Variants in CADM2 observed in about 807,000 individuals in gnomAD.
CADM2 encodes the protein cell adhesion molecule 2, also known as immunoglobulin superfamily member 4D.
In CADM2, 12 loss-of-function variants were observed where a neutral mutation model predicts 49.8. That is an observed-to-expected ratio of 0.24 (90% confidence interval 0.15 to 0.39). CADM2 has a LOEUF of 0.39. CADM2 is among the 10% of genes least tolerant of loss of function. The pLI is 1.00. For synonymous variants in CADM2, 214 were observed against 175.4 expected (o/e 1.22, Z -1.74); for missense variants, 378 against 492.3 (o/e 0.77, Z 2.20).
intron 1 of CADM2, among the ~76,000 whole-genome samples, chr3:85,147,174 C>G (rs1283459255): frequency 6.9e-6 from 1 of 145,832 alleles, no homozygotes; most frequent in Non-Finnish European, 1.5e-5. Flanking sequence ...ACTCAGGAGG[C>G]TGAGGCAGGA....
intron 1 of CADM2, among the ~76,000 whole-genome samples, chr3:85,639,816 T>A (rs1053412455): frequency 1.3e-5 from 2 of 152,014 alleles, no homozygotes; most frequent in Admixed American, 6.6e-5. Flanking sequence ...AAAAGGACCA[T>A]AGTATCTTCA....
chr3:85,021,349 A>T (rs1381152649), intron 1 of CADM2, among the ~76,000 whole-genome samples: 1 of 152,112 alleles, frequency 6.6e-6, no homozygotes, highest in Non-Finnish European at 1.5e-5. Context: ...AGTGTAGGTG[A>T]TTTGTCAGGC....
intron 1 of CADM2, among the ~76,000 whole-genome samples, chr3:85,718,914 T>TATC (rs1299504108): frequency 3.2e-5 from 4 of 124,360 alleles, no homozygotes; most frequent in East Asian, 2.3e-4. Flanking sequence ...TTATTATTAT[T>TATC]ATTATTATTA....
intron 1 of CADM2, among the ~76,000 whole-genome samples, chr3:85,578,236 C>G (rs369473738): frequency 6.6e-6 from 1 of 152,172 alleles, no homozygotes. Flanking sequence ...TTGTCAGATG[C>G]ACTAATGATT....
At chr3:85,896,068 A>T (rs1715175895) in intron 5 of CADM2, among the ~76,000 whole-genome samples, 1 of 152,152 alleles carries the variant, frequency 6.6e-6, no homozygotes, top group African/African-American at 2.4e-5. Context: ...AGGCAGGAGG[A>T]TCAATTGAAC....
At chr3:85,873,807 T>C (rs1219802104) in intron 3 of CADM2, among the ~76,000 whole-genome samples, 1 of 152,172 alleles carries the variant, frequency 6.6e-6, no homozygotes, top group East Asian at 1.9e-4. Flanking sequence ...TTAGAAACAA[T>C]ATTCATTATA....
chr3:85,106,550 C>G (rs1693974724), intron 1 of CADM2, among the ~76,000 whole-genome samples: 1 of 152,004 alleles, frequency 6.6e-6, no homozygotes, highest in South Asian at 2.1e-4. Flanking sequence ...TGAGAGGTAC[C>G]ATGGTATGCT....
chr3:85,908,613 A>G (rs962622736), intron 5 of CADM2, among the ~76,000 whole-genome samples: 1 of 152,226 alleles, frequency 6.6e-6, no homozygotes, highest in African/African-American at 2.4e-5. Flanking sequence ...ATAGAATGAG[A>G]AACTGCATGC....
intron 1 of CADM2, among the ~76,000 whole-genome samples, chr3:85,707,112 A>C (rs1462972389): frequency 6.6e-6 from 1 of 152,084 alleles, no homozygotes; most frequent in Non-Finnish European, 1.5e-5. Context: ...GACTACAGGC[A>C]TGAGCCACCA....
chr3:86,061,216 A>C (rs986754176), intron 8 of CADM2, among the ~76,000 whole-genome samples: 1 of 152,078 alleles, frequency 6.6e-6, no homozygotes, highest in Non-Finnish European at 1.5e-5. Context: ...TGTATTTATA[A>C]GTTTATAAAT....
At chr3:85,979,225 A>G in intron 8 of CADM2, 2 of 1,610,916 alleles carry the variant, frequency 1.2e-6, no homozygotes. Context: ...CAACAGTCAC[A>G]ACCACTGTAG....
rs189815780 is a variant in CADM2 at position 85,317,352 on chromosome 3, T to G, written c.61+357684T>G. On this transcript the variant is annotated intron_variant, in intron 1 of 9. Transcript: ENST00000383699. ...TTTGTGAAGAAATGCCATGACCCTA[T>G]TTGAGTGAAACTCTTATGGGAGAAA... 2.0e-3 allele frequency among the ~76,000 whole-genome samples: 301 copies of G among 152,252 alleles called. 1 individual carries two copies. The highest frequency in any genetic ancestry group is 3.0e-3 in the Non-Finnish European group (201 of 68,004).
At chr3:85,083,134 T>A (rs2037233972) in intron 1 of CADM2, among the ~76,000 whole-genome samples, 1 of 152,160 alleles carries the variant, frequency 6.6e-6, no homozygotes, top group Non-Finnish European at 1.5e-5. Context: ...TTATATTATA[T>A]ACATGTGTTA....
chr3:85,303,413 A>G (rs1369676510), intron 1 of CADM2, among the ~76,000 whole-genome samples: 2 of 151,904 alleles, frequency 1.3e-5, no homozygotes, highest in Admixed American at 1.3e-4. Context: ...AAGTACAGCA[A>G]CTGTCTGATA....
intron 3 of CADM2, among the ~76,000 whole-genome samples, chr3:85,835,732 A>G (rs1367120916): frequency 6.9e-6 from 1 of 144,298 alleles, no homozygotes; most frequent in Non-Finnish European, 1.5e-5. Context: ...ATATATATAT[A>G]TATCTTGCTA....
chr3:85,748,367 C>A (rs1204552736), intron 2 of CADM2, among the ~76,000 whole-genome samples: 2 of 151,916 alleles, frequency 1.3e-5, no homozygotes, highest in East Asian at 3.9e-4. Flanking sequence ...GACAGCATTG[C>A]CAAAAGAAAC....
At chr3:85,797,956 C>T (rs2071728214) in intron 2 of CADM2, among the ~76,000 whole-genome samples, 5 of 152,170 alleles carry the variant, frequency 3.3e-5, no homozygotes, top group Non-Finnish European at 5.9e-5. Context: ...GCCATTCTAA[C>T]AGGCATGAGA....
At chr3:85,641,142 G>T (rs2064697121) in intron 1 of CADM2, among the ~76,000 whole-genome samples, 1 of 152,040 alleles carries the variant, frequency 6.6e-6, no homozygotes, top group Non-Finnish European at 1.5e-5. Context: ...TTAATGTATT[G>T]CATTAATGCG....
intron 3 of CADM2, among the ~76,000 whole-genome samples, chr3:85,882,678 A>T (rs2108389018): frequency 6.6e-6 from 1 of 152,346 alleles, no homozygotes; most frequent in African/African-American, 2.4e-5. Flanking sequence ...ATCTTCTGTG[A>T]AACTGAGTGT....
Sources: allele counts gnomAD v4.1 joint callset (sites outside exome capture counted in the v4.1 genomes callset), GRCh38; gene constraint gnomAD v4.1.1; transcripts MANE v1.5; gene names NCBI Gene and HGNC (gene_info 2026-07-23, HGNC 2026-07-21).